The following TMEM132D variants were observed in gnomAD, a reference collection of about 807,000 sequenced individuals.
The protein encoded by TMEM132D is mature OL transmembrane protein.
In TMEM132D, 21 loss-of-function variants were observed where a neutral mutation model predicts 62.3. That is an observed-to-expected ratio of 0.34 (90% CI 0.24 to 0.49). TMEM132D has a LOEUF of 0.49. Among genes scored for constraint, TMEM132D ranks in the 20% least tolerant of loss-of-function variants. The probability of loss-of-function intolerance (pLI) is 0.99; values close to 1 mark genes in which losing one functional copy is unlikely to be tolerated. For missense variants in TMEM132D, 1,346 were observed against 1,402.8 expected, an observed-to-expected ratio of 0.96 and a Z score of 0.65; for synonymous variants, 621 against 575.6, an observed-to-expected ratio of 1.08 and a Z score of -1.13.
chr12:129,670,310 A>G lies in TMEM132D; in HGVS notation c.968+29500T>C, dbSNP rs1880473870. On this transcript the variant is annotated intron_variant, in intron 2 of 8. Coordinates refer to ENST00000422113, the MANE Select transcript of TMEM132D (RefSeq NM_133448.3). Reference sequence around the variant, plus strand: ...AGGACTCAATTTCCTTTATAGGACTAACATTAGTCACAAGATTAGAAATTA... The same window carrying G: ...AGGACTCAATTTCCTTTATAGGACTGACATTAGTCACAAGATTAGAAATTA... 2.0e-5 allele frequency among the ~76,000 whole-genome samples: 3 copies of G among 152,114 alleles called. No individual in the cohort carries two copies. In the South Asian group the frequency reaches 6.2e-4, roughly 32 times the overall value.
chr12:129,726,413 G>C (rs1284419909), intron 1 of TMEM132D, among the ~76,000 whole-genome samples: 1 of 152,062 alleles, frequency 6.6e-6, no homozygotes, highest in Non-Finnish European at 1.5e-5. Context: ...TGGGGGAACA[G>C]CAAGAGCAAA....
chr12:129,270,199 A>G (rs1366796523), intron 4 of TMEM132D, among the ~76,000 whole-genome samples: 3 of 139,792 alleles, frequency 2.1e-5, no homozygotes, highest in East Asian at 3.1e-4. Context: ...GCAATAATTT[A>G]TCATCTGTAT....
intron 3 of TMEM132D, among the ~76,000 whole-genome samples, chr12:129,504,710 A>G (rs946907822): frequency 2.0e-5 from 3 of 151,858 alleles, no homozygotes; most frequent in Admixed American, 1.3e-4. Flanking sequence ...TTTTGTTTCA[A>G]TTTCATTTAG....
chr12:129,278,215 G>A (rs1593320746), intron 4 of TMEM132D, among the ~76,000 whole-genome samples: 1 of 152,094 alleles, frequency 6.6e-6, no homozygotes, highest in Non-Finnish European at 1.5e-5. Flanking sequence ...AGTTCATATC[G>A]CGGTGATGGA....
At chr12:129,238,753 C>T (rs897018654) in intron 4 of TMEM132D, among the ~76,000 whole-genome samples, 1 of 152,212 alleles carries the variant, frequency 6.6e-6, no homozygotes, top group Non-Finnish European at 1.5e-5. Context: ...GTTGATTCTA[C>T]CTCTTGGCTA....
chr12:129,086,979 G>A (rs1874640848), intron 5 of TMEM132D, among the ~76,000 whole-genome samples: 1 of 152,054 alleles, frequency 6.6e-6, no homozygotes, highest in South Asian at 2.1e-4. Flanking sequence ...CATCAATAGT[G>A]TATAAGTGTG....
At chr12:129,158,714 A>G (rs1877315143) in intron 5 of TMEM132D, among the ~76,000 whole-genome samples, 1 of 152,162 alleles carries the variant, frequency 6.6e-6, no homozygotes, top group Non-Finnish European at 1.5e-5. Flanking sequence ...GAATTTCAGA[A>G]AAAAAGAGTC....
At chr12:129,363,885 A>C (rs1407792803) in intron 3 of TMEM132D, among the ~76,000 whole-genome samples, 2 of 152,236 alleles carry the variant, frequency 1.3e-5, no homozygotes, top group East Asian at 3.8e-4. Context: ...GGATTTACTA[A>C]AATCTCAGAA....
At chr12:129,381,999 G>T (rs1301594871) in intron 3 of TMEM132D, among the ~76,000 whole-genome samples, 1 of 152,168 alleles carries the variant, frequency 6.6e-6, no homozygotes, top group East Asian at 1.9e-4. Context: ...ATGAGCTATT[G>T]CTGTGTGCAA....
intron 2 of TMEM132D, among the ~76,000 whole-genome samples, chr12:129,543,396 G>GGATA (rs1876645747): frequency 1.4e-5 from 2 of 140,154 alleles, no homozygotes; most frequent in African/African-American, 5.6e-5. Context: ...ATGGATGGAT[G>GGATA]GATGGATGGA....
At chr12:129,216,998 G>T (rs74242813) in intron 4 of TMEM132D, among the ~76,000 whole-genome samples, 3,279 of 152,064 alleles carry the variant, frequency 0.022, 206 homozygotes, top group East Asian at 0.18. Flanking sequence ...AACATTTTTT[G>T]TTGTTGTTGT....
intron 5 of TMEM132D, among the ~76,000 whole-genome samples, chr12:129,119,128 A>C (rs1875984732): frequency 6.6e-6 from 1 of 152,214 alleles, no homozygotes; most frequent in African/African-American, 2.4e-5. Flanking sequence ...AGACCACAGA[A>C]ATGACAGAAA....
At chr12:129,900,555 G>C (rs1875319085) in intron 1 of TMEM132D, among the ~76,000 whole-genome samples, 1 of 152,202 alleles carries the variant, frequency 6.6e-6, no homozygotes, top group African/African-American at 2.4e-5. Context: ...ACATAACTGG[G>C]AAGGATGCAC....
intron 3 of TMEM132D, among the ~76,000 whole-genome samples, chr12:129,515,291 T>A (rs1875639104): frequency 6.6e-6 from 1 of 152,134 alleles, no homozygotes; most frequent in South Asian, 2.1e-4. Context: ...TTGAACTAAT[T>A]TCAGAAAAGA....
intron 5 of TMEM132D, among the ~76,000 whole-genome samples, chr12:129,173,112 G>A (rs576710856): frequency 2.6e-5 from 4 of 152,316 alleles, no homozygotes; most frequent in Admixed American, 2.0e-4. Flanking sequence ...GATATATTGT[G>A]AGAGTTGACC....
intron 4 of TMEM132D, among the ~76,000 whole-genome samples, chr12:129,330,881 A>T (rs1869081545): frequency 6.6e-6 from 1 of 152,202 alleles, no homozygotes; most frequent in Admixed American, 6.5e-5. Flanking sequence ...TAGAGTGCAA[A>T]TCAAAGGGAC....
chr12:129,568,120 AG>A (rs1224028075), intron 2 of TMEM132D, among the ~76,000 whole-genome samples: 13 of 152,246 alleles, frequency 8.5e-5, no homozygotes, highest in Non-Finnish European at 1.6e-4. Flanking sequence ...CTTGGGTGGC[AG>A]GAACAGTCTG....
intron 2 of TMEM132D, among the ~76,000 whole-genome samples, chr12:129,673,664 A>G (rs1275860923): frequency 6.6e-6 from 1 of 152,200 alleles, no homozygotes; most frequent in Non-Finnish European, 1.5e-5. Context: ...GGAGACAGTC[A>G]AAGAACCATA....
At chr12:129,150,725 G>C in intron 5 of TMEM132D, among the ~76,000 whole-genome samples, 1 of 152,204 alleles carries the variant, frequency 6.6e-6, no homozygotes, top group Non-Finnish European at 1.5e-5. Context: ...TCACAGAGAG[G>C]CTGGCAGGCT....
Sources: allele counts gnomAD v4.1 joint callset (sites outside exome capture counted in the v4.1 genomes callset), GRCh38; gene constraint gnomAD v4.1.1; transcripts MANE v1.5; gene names NCBI Gene and HGNC (gene_info 2026-07-23, HGNC 2026-07-21).